Variants in FZD3 observed in about 807,000 individuals in gnomAD.
FZD3 encodes frizzled class receptor 3.
FZD3 carries 30 observed loss-of-function variants against 60.7 expected under a neutral mutation model. The ratio of observed to expected loss-of-function variants is 0.49; its 90% CI spans 0.37 to 0.67. The LOEUF (loss-of-function observed/expected upper bound fraction) is 0.67, where lower values mean the gene tolerates loss of function less well. Among genes scored for constraint, FZD3 ranks in the 30% least tolerant of loss-of-function variants. The pLI is 0.00. For missense variants in FZD3, 605 were observed against 838.7 expected (o/e 0.72, Z 3.44); for synonymous variants, 246 against 275.2 (o/e 0.89, Z 1.05).
intron 5 of FZD3, among the ~76,000 whole-genome samples, chr8:28,550,386 G>A (rs1433721154): frequency 6.9e-6 from 1 of 145,898 alleles, no homozygotes; most frequent in East Asian, 2.0e-4. Context: ...GATTAGACTG[G>A]AGTCTGGCCT....
At position 28,551,649 on chromosome 8, in the gene FZD3, A is replaced by G; in HGVS notation, c.1451A>G (p.Tyr484Cys). The change falls in exon 6 of 8, where the codon TAC becomes TGC. Residue 484 changes from tyrosine (Y) to cysteine (C), a missense_variant. Tyr to Cys is a radical substitution (Grantham distance 194). Coordinates refer to ENST00000240093, the MANE Select transcript of FZD3 (RefSeq NM_017412.4). ...GACTTGATTCTCTTTCTGATGAAATACCTGATGGCTCTCATAGTTGGCATT... is the reference window on the plus strand; with the variant it reads ...GACTTGATTCTCTTTCTGATGAAATGCCTGATGGCTCTCATAGTTGGCATT... ...RPDLILFLMK[Y>C]LMALIVGIPS... is the part of the protein sequence containing the mutation. The G allele has an allele frequency of 6.2e-7, 1 of 1,610,640 alleles. No homozygotes were observed. The highest frequency in any genetic ancestry group is 8.5e-7 in the Non-Finnish European group (1 of 1,177,038).
intron 5 of FZD3, among the ~76,000 whole-genome samples, chr8:28,541,769 G>A (rs1805173440): frequency 2.6e-5 from 4 of 152,132 alleles, no homozygotes; most frequent in South Asian, 2.1e-4. Context: ...CCTGCATCGC[G>A]TTCCCAGTTC....
chr8:28,535,113 A>T (rs901380796), intron 5 of FZD3, among the ~76,000 whole-genome samples: 2 of 152,212 alleles, frequency 1.3e-5, no homozygotes, highest in African/African-American at 4.8e-5. Context: ...TCAAAATACC[A>T]ATTGGGTTTA....
At chr8:28,498,159 A>G (rs1169608949) in intron 1 of FZD3, among the ~76,000 whole-genome samples, 1 of 152,174 alleles carries the variant, frequency 6.6e-6, no homozygotes, top group Non-Finnish European at 1.5e-5. Flanking sequence ...TGCTCTATGG[A>G]GAAGTGAATG....
chr8:28,537,496 T>G (rs953194497), intron 5 of FZD3, among the ~76,000 whole-genome samples: 4 of 151,666 alleles, frequency 2.6e-5, no homozygotes, highest in African/African-American at 9.7e-5. Context: ...GGCCATTAGT[T>G]TTTGCTGCAG....
At chr8:28,551,800 A>G (rs1448336655) in intron 6 of FZD3, 49 bp downstream of exon 6, 7 of 1,489,796 alleles carry the variant, frequency 4.7e-6, no homozygotes, top group East Asian at 4.6e-5. Flanking sequence ...ACATTTACGT[A>G]AATTTTTTTG....
At chr8:28,562,222 A>G (rs1193326084) in intron 7 of FZD3, among the ~76,000 whole-genome samples, 2 of 152,204 alleles carry the variant, frequency 1.3e-5, no homozygotes, top group African/African-American at 4.8e-5. Context: ...AAGATAATTT[A>G]CAGGTAGTTA....
At position 28,537,523 on chromosome 8, in the gene FZD3, CTA is replaced by C. The variant is rs1354211214; in HGVS notation, c.1404+9361_1404+9362del. 2.8e-3 allele frequency among the ~76,000 whole-genome samples: 97 copies of C among 34,990 alleles called. No individual in the cohort carries two copies. The South Asian group carries it at 0.031, about 11-fold the overall frequency. The allele number at this position is 34,990 out of a possible 152,430, so 23.0% of individuals were successfully genotyped here. A position where few individuals can be genotyped will look rare whatever the true frequency, so the allele number is the denominator to read the frequency against. ...TTGCTGCAGCTACTCAGCTTTGCTG[CTA>C]TGGTACAACTACTCAGCTTTGCTGC... On this transcript the variant is annotated intron_variant, in intron 5 of 7. Coordinates refer to ENST00000240093, the MANE Select transcript of FZD3 (RefSeq NM_017412.4).
chr8:28,557,615 A>T (rs1010410683), intron 7 of FZD3, among the ~76,000 whole-genome samples: 2 of 152,120 alleles, frequency 1.3e-5, no homozygotes, highest in African/African-American at 4.8e-5. Flanking sequence ...TTTCCTGGCT[A>T]GATTTTTGAA....
At chr8:28,543,772 T>C (rs1212907392) in intron 5 of FZD3, among the ~76,000 whole-genome samples, 5 of 152,028 alleles carry the variant, frequency 3.3e-5, no homozygotes, top group Non-Finnish European at 7.4e-5. Flanking sequence ...TTAACTAATA[T>C]AATAGATTTT....
intron 5 of FZD3, among the ~76,000 whole-genome samples, chr8:28,542,321 G>A (rs558664571): frequency 6.6e-6 from 1 of 152,158 alleles, no homozygotes; most frequent in East Asian, 1.9e-4. Context: ...CCTTGAAGAA[G>A]CCTTTACTGA....
In FZD3 at chr8:28,563,155, C is replaced by A; in HGVS notation, c.*144C>A. ...TGTCCACTGGAAAGGTAAATGATTG[C>A]TTTTTTATATTGCATCAAACTTGGA... On this transcript the variant is annotated 3_prime_UTR_variant, in exon 8 of 8. Transcript: ENST00000240093. 1.6e-6 allele frequency: 1 copy of A among 627,184 alleles called. No homozygotes were observed. Among genetic ancestry groups the A allele is most frequent in the Non-Finnish European group, 2.9e-6 (1 of 346,188 alleles). 38.9% of individuals were successfully genotyped at this position (627,184 alleles called of 1,614,324 possible).
Position 28,550,854 on chromosome 8 carries a change from A to G in FZD3, c.1405-749A>G, listed in dbSNP as rs367639487. ...ATTGATAATACAGTTGATATTTCTAATTAGTCATTATTCTATTAATTTGAT... is the reference window on the plus strand; with the variant it reads ...ATTGATAATACAGTTGATATTTCTAGTTAGTCATTATTCTATTAATTTGAT... On this transcript the variant is annotated intron_variant, in intron 5 of 7. Transcript: ENST00000240093. Among the ~76,000 whole-genome samples the G allele has an allele frequency of 4.6e-5, 7 of 152,158 alleles. No individual in the cohort carries two copies. In the East Asian group the frequency reaches 9.6e-4, roughly 21 times the overall value.
At chr8:28,534,285 T>A (rs1486131303) in intron 5 of FZD3, among the ~76,000 whole-genome samples, 1 of 152,176 alleles carries the variant, frequency 6.6e-6, no homozygotes, top group Non-Finnish European at 1.5e-5. Flanking sequence ...TCTGTGACAT[T>A]AAGTAAATTC....
intron 4 of FZD3, among the ~76,000 whole-genome samples, chr8:28,523,526 CTCAG>C (rs996260689): frequency 4.0e-5 from 6 of 151,358 alleles, no homozygotes. Flanking sequence ...AACTCCTGGG[CTCAG>C]TCAGTCCTTC....
chr8:28,511,560 C>G (rs1443004663), intron 3 of FZD3, among the ~76,000 whole-genome samples: 1 of 152,190 alleles, frequency 6.6e-6, no homozygotes, highest in African/African-American at 2.4e-5. Context: ...AATAGACTTT[C>G]ACAAATTGGC....
chr8:28,572,854 A>G lies in FZD3; in HGVS notation c.*9843A>G, dbSNP rs1805830903. The G allele has an allele frequency of 6.6e-6, 1 of 152,186 alleles. No homozygotes were observed. The highest frequency in any genetic ancestry group is 2.4e-5 in the African/African-American group (1 of 41,454). 9.4% of individuals were successfully genotyped at this position (152,186 alleles called of 1,614,324 possible). The stretch of plus-strand genomic sequence containing the variant: ...ATCATATAAAAAATATGAAACTCCT[A>G]CACAGGAAATCCCCAATTTTGTGAT... On this transcript the variant is annotated 3_prime_UTR_variant, in exon 8 of 8. Transcript: ENST00000240093.
At chr8:28,496,347 A>G (rs562689596) in intron 1 of FZD3, among the ~76,000 whole-genome samples, 27 of 152,180 alleles carry the variant, frequency 1.8e-4, no homozygotes, top group South Asian at 6.2e-4. Flanking sequence ...GCTGCTGTTG[A>G]CTTTCTTTTC....
chr8:28,546,670 T>C (rs1457387920), intron 5 of FZD3, among the ~76,000 whole-genome samples: 1 of 152,118 alleles, frequency 6.6e-6, no homozygotes, highest in Non-Finnish European at 1.5e-5. Flanking sequence ...GATTTTTTAT[T>C]CTTAGAAGTT....
Sources: gnomAD v4.1 joint callset for allele counts (sites outside exome capture counted in the v4.1 genomes callset) on GRCh38, gnomAD v4.1.1 for gene constraint, MANE v1.5 for transcripts, NCBI Gene and HGNC (gene_info 2026-07-23, HGNC 2026-07-21) for gene names.